Variants in SERPINB8 observed in about 807,000 individuals in gnomAD.
SERPINB8 encodes serpin B8.
A neutral mutation model predicts 35.3 loss-of-function variants in SERPINB8; 25 were observed. The observed-to-expected ratio is 0.71, with a 90% CI of 0.52 to 0.99. SERPINB8 has a LOEUF of 0.99. SERPINB8 is among the 50% of genes least tolerant of loss of function. The pLI is 0.00. For synonymous variants in SERPINB8, 186 were observed against 160.8 expected, an observed-to-expected ratio of 1.16 and a Z score of -1.19; for missense variants, 484 against 446.5, an observed-to-expected ratio of 1.08 and a Z score of -0.76.
At chr18:64,009,478 A>G (rs1282107874), downstream of SERPINB8, among the ~76,000 whole-genome samples, 1 of 152,254 alleles carries the variant, frequency 6.6e-6, no homozygotes, top group Non-Finnish European at 1.5e-5. Flanking sequence ...TGGTGTGTAC[A>G]CAGGGATAGA....
chr18:63,985,155 G>A lies in SERPINB8; in HGVS notation c.630G>A (p.Glu210=), dbSNP rs369462841. 52 of 1,614,168 alleles carry A rather than the reference G, an allele frequency of 3.2e-5. 1 individual carries two copies. In the South Asian group the frequency reaches 4.7e-4, roughly 15 times the overall value. ...AGTTTAAAATGGGGTATGCGGATGAGGTACACACCCAGGTCCTGGAGCTGC... is the reference window on the plus strand; with the variant it reads ...AGTTTAAAATGGGGTATGCGGATGAAGTACACACCCAGGTCCTGGAGCTGC... The part of the protein sequence containing the change: ...EAKFKMGYAD[E]VHTQVLELPY... Residue 210 remains glutamate (E), a synonymous_variant, in exon 6 of 7, where the codon GAG becomes GAA. Coordinates refer to ENST00000397985, the MANE Select transcript of SERPINB8 (RefSeq NM_002640.4).
chr18:63,986,535 A>C (rs1003534946), intron 6 of SERPINB8: 95 of 1,338,426 alleles, frequency 7.1e-5, no homozygotes, highest in Admixed American at 2.5e-4. Flanking sequence ...AGTAGTATGT[A>C]TTGCATGAAG....
chr18:63,983,510 T>C (rs1488026107), intron 4 of SERPINB8, 69 bp from the exon 5 acceptor site: 26 of 1,496,986 alleles, frequency 1.7e-5, no homozygotes, highest in Non-Finnish European at 2.3e-5. Context: ...GCCTTATGTG[T>C]CAAAGGGATT....
chr18:63,970,790 C>A (rs188931968), intron 1 of SERPINB8, among the ~76,000 whole-genome samples: 4 of 152,288 alleles, frequency 2.6e-5, no homozygotes, highest in Middle Eastern at 3.4e-3. Flanking sequence ...CCTGTCCCCC[C>A]CCTCCGTTCT....
intron 1 of SERPINB8, among the ~76,000 whole-genome samples, chr18:63,977,676 G>T (rs1218358528): frequency 6.6e-6 from 1 of 152,170 alleles, no homozygotes; most frequent in Non-Finnish European, 1.5e-5. Context: ...AAGTAAGCAG[G>T]TGTTGCAGGG....
chr18:63,991,782 G>T (rs750205279), downstream of SERPINB8, among the ~76,000 whole-genome samples: 6 of 152,218 alleles, frequency 3.9e-5, no homozygotes, highest in South Asian at 1.2e-3. Context: ...ATCATTAAAC[G>T]TGATATTAGC....
In SERPINB8 at chr18:63,970,136, G is replaced by A; in HGVS notation, c.-45G>A. ...GAGGAATAGTCAAAGCAGCAGCGGC[G>A]GCGGCGGCGGCGGCAGCAGCAGCAG... On this transcript the variant is annotated 5_prime_UTR_variant, in exon 1 of 7. Transcript: ENST00000397985. 2 of 362,566 alleles carry A rather than the reference G, an allele frequency of 5.5e-6. No individual in the cohort carries two copies. Among genetic ancestry groups the A allele is most frequent in the Non-Finnish European group, 5.4e-6 (1 of 184,306 alleles). The allele number at this position is 362,566 out of a possible 1,614,324, so 22.5% of individuals were successfully genotyped here.
At chr18:63,998,699 T>G (rs1179080031) in intron 1 of SERPINB8, among the ~76,000 whole-genome samples, 1 of 152,212 alleles carries the variant, frequency 6.6e-6, no homozygotes, top group Non-Finnish European at 1.5e-5. Context: ...CCATCCTTTT[T>G]GAGCCCTTCC....
intron 1 of SERPINB8, among the ~76,000 whole-genome samples, chr18:63,972,071 T>G (rs1384550695): frequency 6.6e-6 from 1 of 152,094 alleles, no homozygotes; most frequent in Admixed American, 6.6e-5. Context: ...ATTTAAAATG[T>G]GTATTGAATT....
intron 1 of SERPINB8, among the ~76,000 whole-genome samples, chr18:63,977,885 T>G (rs2050607378): frequency 6.6e-6 from 1 of 152,202 alleles, no homozygotes; most frequent in South Asian, 2.1e-4. Context: ...GCAATGTTAT[T>G]TTCTGGAGTC....
Position 63,987,437 on chromosome 18 carries a change from A to C in SERPINB8, c.*159A>C. The C allele has an allele frequency of 1.3e-6, 1 of 770,544 alleles. No individual in the cohort carries two copies. 47.7% of individuals were successfully genotyped at this position (770,544 alleles called of 1,614,324 possible). A position where few individuals can be genotyped will look rare whatever the true frequency, so the allele number is the denominator to read the frequency against. ...TTTGCTGAAAGTTCCAGAGCCATTG[A>C]GAATAACTGAGGCCGCAGATGCATG... On this transcript the variant is annotated 3_prime_UTR_variant, in exon 7 of 7. Coordinates refer to ENST00000397985, the MANE Select transcript of SERPINB8 (RefSeq NM_002640.4).
At chr18:64,013,764 TG>T (rs1347911167) in intron 7 of SERPINB8, among the ~76,000 whole-genome samples, 12 of 152,164 alleles carry the variant, frequency 7.9e-5, no homozygotes, top group African/African-American at 2.7e-4. Flanking sequence ...GCTATGTTAA[TG>T]GGGAAAGGTG....
rs563841380 is a variant in SERPINB8 at position 64,017,685 on chromosome 18, G to A, written c.*3-1225G>A. ...AAACACCTAATAAGGAGCAAAGAAA[G>A]ATTTGAACTCACTGGATTGAACTTC... On this transcript the variant is annotated intron_variant, in intron 7 of 7. Transcript: ENST00000636430. 2.7e-3 allele frequency among the ~76,000 whole-genome samples: 410 copies of A among 152,262 alleles called. 3 individuals are homozygous for A. The highest frequency in any genetic ancestry group is 9.6e-3 in the African/African-American group (400 of 41,550).
intron 7 of SERPINB8, among the ~76,000 whole-genome samples, chr18:64,012,592 C>CGT (rs386387959): frequency 6.9e-6 from 1 of 145,228 alleles, no homozygotes. Flanking sequence ...TGTGTGTGTG[C>CGT]GTGTGTGTGT....
Position 63,986,854 on chromosome 18 carries a change from T to C in SERPINB8, c.721-20T>C. On this transcript the variant is annotated intron_variant, in intron 6 of 6. Transcript: ENST00000397985. ...GCTATTGTCATCTAAATTTTAAGGT[T>C]TGAGTCTTTCTTATCCTAGGTGGAA... 6.3e-7 allele frequency: 1 copy of C among 1,580,364 alleles called. No individual in the cohort carries two copies. Among genetic ancestry groups the C allele is most frequent in the Non-Finnish European group, 8.6e-7 (1 of 1,166,678 alleles).
At chr18:64,008,964 T>C (rs912525378), downstream of SERPINB8, among the ~76,000 whole-genome samples, 3 of 152,118 alleles carry the variant, frequency 2.0e-5, no homozygotes. Context: ...AATCAGTATA[T>C]AAAGAGGTTA....
rs1322505097 is a variant in SERPINB8, at chr18:63,987,244, G to A, written c.1091G>A (p.Cys364Tyr). 16 of 1,613,930 alleles carry A rather than the reference G, an allele frequency of 9.9e-6. No individual in the cohort carries two copies. The highest frequency in any genetic ancestry group is 1.7e-5 in the Admixed American group (1 of 59,996). ...TTCATCAGGCACCACAAAACCAACTGCATCTTGTTCTGTGGCAGGTTCTCT... is the reference window on the plus strand; with the variant it reads ...TTCATCAGGCACCACAAAACCAACTACATCTTGTTCTGTGGCAGGTTCTCT... ...LFFIRHHKTN[C>Y]ILFCGRFSSP Residue 364 changes from cysteine (C) to tyrosine (Y), a missense_variant, in exon 7 of 7, where the codon TGC (cysteine) becomes TAC (tyrosine). Coordinates refer to ENST00000397985, the MANE Select transcript of SERPINB8 (RefSeq NM_002640.4).
At chr18:63,981,907 C>A in intron 4 of SERPINB8, 69 bp downstream of exon 4, 1 of 1,128,864 alleles carries the variant, frequency 8.9e-7, no homozygotes, top group Admixed American at 1.9e-5. Flanking sequence ...TGGGATGGGA[C>A]TTCCCAGGGT....
At chr18:64,012,426 A>G (rs965880565) in intron 7 of SERPINB8, among the ~76,000 whole-genome samples, 1 of 152,048 alleles carries the variant, frequency 6.6e-6, no homozygotes, top group Non-Finnish European at 1.5e-5. Context: ...TTACATCTCA[A>G]CTTTTCTGTT....
Sources: gnomAD v4.1 joint callset for allele counts (sites outside exome capture counted in the v4.1 genomes callset) on GRCh38, gnomAD v4.1.1 for gene constraint, MANE v1.5 for transcripts, NCBI Gene and HGNC (gene_info 2026-07-23, HGNC 2026-07-21) for gene names.